The following IGF1R variants were observed in gnomAD, a reference collection of about 807,000 sequenced individuals.
IGF1R encodes the protein insulin like growth factor 1 receptor.
Under a neutral mutation model 144.6 loss-of-function variants are expected in IGF1R, and 44 were observed. The observed-to-expected ratio is 0.30, with a 90% CI of 0.24 to 0.39. The LOEUF is 0.39. Among genes scored for constraint, IGF1R ranks in the 10% least tolerant of loss-of-function variants. The pLI is 1.00. For synonymous variants in IGF1R, 795 were observed against 722.8 expected (o/e 1.10, Z -1.60); for missense variants, 1,355 against 1,833.7 (o/e 0.74, Z 4.77).
At chr15:98,727,539 C>T (rs956050106) in intron 2 of IGF1R, among the ~76,000 whole-genome samples, 1 of 152,214 alleles carries the variant, frequency 6.6e-6, no homozygotes, top group Non-Finnish European at 1.5e-5. Context: ...TCAGCAAAGT[C>T]AGTCCTGAGT....
rs892936504 is a variant in IGF1R, at chr15:98,960,832, A to C, written c.*3390A>C. On this transcript the variant is annotated 3_prime_UTR_variant, in exon 21 of 21. Coordinates refer to ENST00000650285, the MANE Select transcript of IGF1R (RefSeq NM_000875.5). The stretch of plus-strand genomic sequence containing the variant: ...CAACTTCTCCCTCACCTCCTTCCCT[A>C]GGGGTAGACAGAGATGTACCAAACC... The C allele has an allele frequency of 1.3e-5, 3 of 233,622 alleles. No homozygotes were observed. Among genetic ancestry groups the C allele is most frequent in the Non-Finnish European group, 2.5e-5 (3 of 118,046 alleles). The allele number at this position is 233,622 out of a possible 1,614,324, so 14.5% of individuals were successfully genotyped here.
chr15:98,897,922 A>AG (rs1287864748), intron 4 of IGF1R, among the ~76,000 whole-genome samples: 1 of 132,830 alleles, frequency 7.5e-6, no homozygotes, highest in Non-Finnish European at 1.7e-5. Flanking sequence ...TTTTATGAAG[A>AG]ATTTTTTTTT....
intron 2 of IGF1R, among the ~76,000 whole-genome samples, chr15:98,856,853 C>T (rs1207766703): frequency 1.3e-5 from 2 of 152,072 alleles, no homozygotes; most frequent in East Asian, 3.9e-4. Flanking sequence ...CAGAGAATTT[C>T]GACAGTAAAG....
At chr15:98,830,605 CTT>C (rs60426791) in intron 2 of IGF1R, among the ~76,000 whole-genome samples, 18 of 135,852 alleles carry the variant, frequency 1.3e-4, no homozygotes, top group Non-Finnish European at 1.6e-4. Flanking sequence ...TGATCATCAT[CTT>C]TTTTTTTTTT....
chr15:98,911,562 C>A, intron 7 of IGF1R, 121 bp downstream of exon 7: 2 of 1,280,418 alleles, frequency 1.6e-6, no homozygotes, highest in Non-Finnish European at 2.3e-6. Flanking sequence ...CCAGGGAGAG[C>A]CACGCCAAAC....
intron 2 of IGF1R, among the ~76,000 whole-genome samples, chr15:98,752,705 A>G (rs191050867): frequency 1.2e-4 from 18 of 151,792 alleles, no homozygotes; most frequent in Non-Finnish European, 2.2e-4. Flanking sequence ...AAAAGAAAGT[A>G]TGTGAGCCTT....
At chr15:98,893,211 G>T (rs1003243342) in intron 3 of IGF1R, among the ~76,000 whole-genome samples, 4 of 151,988 alleles carry the variant, frequency 2.6e-5, no homozygotes, top group African/African-American at 9.7e-5. Flanking sequence ...TTTATAAAGG[G>T]GATTCTTTTT....
intron 18 of IGF1R, among the ~76,000 whole-genome samples, chr15:98,942,084 G>C (rs147308548): frequency 1.7e-3 from 256 of 152,282 alleles, no homozygotes; most frequent in African/African-American, 5.7e-3. Flanking sequence ...CTCGTAAATA[G>C]CATCTTTTCG....
intron 2 of IGF1R, among the ~76,000 whole-genome samples, chr15:98,709,474 G>T (rs2053943050): frequency 6.6e-6 from 1 of 152,242 alleles, no homozygotes; most frequent in Non-Finnish European, 1.5e-5. Context: ...AGGTTGGCTG[G>T]AGTTGGAGGG....
intron 2 of IGF1R, among the ~76,000 whole-genome samples, chr15:98,809,269 G>A (rs2056534587): frequency 6.6e-6 from 1 of 152,204 alleles, no homozygotes; most frequent in African/African-American, 2.4e-5. Flanking sequence ...AGGGTACTGG[G>A]TGGCTTGAGG....
At chr15:98,896,725 G>T (rs1403412871) in intron 3 of IGF1R, 32 bp from the exon 4 acceptor site, 3 of 1,607,700 alleles carry the variant, frequency 1.9e-6, no homozygotes, top group African/African-American at 1.3e-5. Flanking sequence ...TCAATTATGT[G>T]TGTTTTTGAT....
chr15:98,759,740 C>T (rs1400049070), intron 2 of IGF1R, among the ~76,000 whole-genome samples: 1 of 152,140 alleles, frequency 6.6e-6, no homozygotes, highest in Non-Finnish European at 1.5e-5. Context: ...TCATGGGGCA[C>T]ATAGTTGGCT....
intron 2 of IGF1R, among the ~76,000 whole-genome samples, chr15:98,762,718 C>G (rs1413357860): frequency 6.6e-6 from 1 of 151,768 alleles, no homozygotes; most frequent in South Asian, 2.1e-4. Context: ...GTGAGTGAAA[C>G]TCTGTCTCCA....
intron 20 of IGF1R, among the ~76,000 whole-genome samples, chr15:98,956,448 A>G (rs2016988300): frequency 1.3e-5 from 2 of 152,232 alleles, no homozygotes; most frequent in South Asian, 4.1e-4. Context: ...TGGAGCGAGC[A>G]CGTGCTAGAT....
chr15:98,761,049 C>T (rs186998027), intron 2 of IGF1R, among the ~76,000 whole-genome samples: 25 of 152,338 alleles, frequency 1.6e-4, no homozygotes, highest in Admixed American at 1.4e-3. Context: ...TTGGTAGAGT[C>T]GGGGCCTAAA....
At chr15:98,934,501 G>T (rs1408688236) in intron 15 of IGF1R, among the ~76,000 whole-genome samples, 10 of 152,106 alleles carry the variant, frequency 6.6e-5, no homozygotes, top group Admixed American at 2.6e-4. Context: ...GTGTTTTTAT[G>T]TGATGAAAAG....
rs1331699131 is a variant in IGF1R, at chr15:98,959,699, T to C, written c.*2257T>C. 8 of 233,534 alleles carry C rather than the reference T, an allele frequency of 3.4e-5. No homozygotes were observed. The Admixed American group carries it at 4.5e-4, about 13-fold the overall frequency. 14.5% of individuals were successfully genotyped at this position (233,534 alleles called of 1,614,324 possible). A position where few individuals can be genotyped will look rare whatever the true frequency, so the allele number is the denominator to read the frequency against. Reference sequence around the variant, plus strand: ...GACAGCACAAGAGTTGCTTCTGGGATAGAAATGTTTAGGAGTAAGAACAAA... The same window carrying C: ...GACAGCACAAGAGTTGCTTCTGGGACAGAAATGTTTAGGAGTAAGAACAAA... On this transcript the variant is annotated 3_prime_UTR_variant, in exon 21 of 21. Coordinates refer to ENST00000650285, the MANE Select transcript of IGF1R (RefSeq NM_000875.5).
At chr15:98,756,235 A>G (rs1271798272) in intron 2 of IGF1R, among the ~76,000 whole-genome samples, 5 of 136,776 alleles carry the variant, frequency 3.7e-5, no homozygotes, top group South Asian at 4.8e-4. Context: ...TTTACATAAT[A>G]TAGGAAATAA....
intron 1 of IGF1R, among the ~76,000 whole-genome samples, chr15:98,683,856 C>T (rs2141218529): frequency 6.6e-6 from 1 of 152,312 alleles, no homozygotes; most frequent in South Asian, 2.1e-4. Flanking sequence ...TTTTTCTGAT[C>T]TCTAAGACAC....
Sources: gnomAD v4.1 joint callset for allele counts (sites outside exome capture counted in the v4.1 genomes callset) on GRCh38, gnomAD v4.1.1 for gene constraint, MANE v1.5 for transcripts, NCBI Gene and HGNC (gene_info 2026-07-23, HGNC 2026-07-21) for gene names.